NECAB1: variants seen among roughly 807,000 people sequenced by gnomAD.
The protein encoded by NECAB1 is N-terminal EF-hand calcium binding protein 1.
Under a neutral mutation model 57.5 loss-of-function variants are expected in NECAB1, and 29 were observed. The ratio of observed to expected loss-of-function variants is 0.50; its 90% CI spans 0.38 to 0.69. The LOEUF (loss-of-function observed/expected upper bound fraction) is 0.69. Among genes scored for constraint, NECAB1 ranks in the 30% least tolerant of loss-of-function variants. The pLI, the probability that NECAB1 is intolerant of heterozygous loss-of-function variation, is 0.00. For synonymous variants in NECAB1, 142 were observed against 147.7 expected, an observed-to-expected ratio of 0.96 and a Z score of 0.28; for missense variants, 372 against 413.8, an observed-to-expected ratio of 0.90 and a Z score of 0.88.
intron 1 of NECAB1, among the ~76,000 whole-genome samples, chr8:90,800,505 T>C (rs1305620627): frequency 6.6e-6 from 1 of 152,194 alleles, no homozygotes; most frequent in African/African-American, 2.4e-5. Context: ...CTTCAATGCC[T>C]AGTTTGTTCA....
chr8:90,838,571 G>C (rs928956916), intron 3 of NECAB1, among the ~76,000 whole-genome samples: 4 of 152,182 alleles, frequency 2.6e-5, no homozygotes, highest in African/African-American at 9.6e-5. Flanking sequence ...CAGTCACTCA[G>C]CCTGGAACCA....
At chr8:90,902,337 T>C (rs1180330653) in intron 5 of NECAB1, among the ~76,000 whole-genome samples, 3 of 152,124 alleles carry the variant, frequency 2.0e-5, no homozygotes, top group African/African-American at 7.2e-5. Flanking sequence ...GGAGAATCGC[T>C]TGAACCCAGG....
chr8:90,793,692 G>A (rs918082219), intron 1 of NECAB1, among the ~76,000 whole-genome samples: 3 of 152,188 alleles, frequency 2.0e-5, no homozygotes, highest in Admixed American at 1.3e-4. Context: ...AAGGGGACAA[G>A]TGGGGCCTCC....
intron 8 of NECAB1, among the ~76,000 whole-genome samples, chr8:90,931,118 T>C (rs1268403407): frequency 6.6e-6 from 1 of 152,126 alleles, no homozygotes; most frequent in Non-Finnish European, 1.5e-5. Context: ...TTGAGGACAG[T>C]GTATAAGAGG....
In NECAB1 at chr8:90,836,355, T is replaced by C. The variant is rs952104945; in HGVS notation, c.233+11530T>C. ...TAGCAAAAGCTTTTAGCAGTTAAAA[T>C]ATAAGAAGAAGAAAACTGGGCATGA... On this transcript the variant is annotated intron_variant, in intron 3 of 12. Transcript: ENST00000417640. Among the ~76,000 whole-genome samples, 4 of 152,142 alleles carry C rather than the reference T, an allele frequency of 2.6e-5. No individual in the cohort carries two copies. In the South Asian group the frequency reaches 8.3e-4, roughly 31 times the overall value.
chr8:90,898,586 T>C (rs1682403190), intron 5 of NECAB1, among the ~76,000 whole-genome samples: 1 of 152,182 alleles, frequency 6.6e-6, no homozygotes, highest in South Asian at 2.1e-4. Flanking sequence ...CCAATACCCC[T>C]GTCTTCTTCT....
At chr8:90,946,995 A>C (rs1438943616) in intron 10 of NECAB1, among the ~76,000 whole-genome samples, 1 of 152,216 alleles carries the variant, frequency 6.6e-6, no homozygotes, top group South Asian at 2.1e-4. Flanking sequence ...CATGACCCCC[A>C]AAGTACCTGT....
intron 5 of NECAB1, among the ~76,000 whole-genome samples, chr8:90,897,110 G>C (rs1333465081): frequency 6.6e-6 from 1 of 152,070 alleles, no homozygotes; most frequent in African/African-American, 2.4e-5. Context: ...TTAGCAGGTA[G>C]AAAGCAGCAA....
At chr8:90,891,528 A>G (rs970753105) in intron 5 of NECAB1, among the ~76,000 whole-genome samples, 4 of 152,032 alleles carry the variant, frequency 2.6e-5, no homozygotes, top group Non-Finnish European at 4.4e-5. Flanking sequence ...AATATTACCT[A>G]TTCCCATATA....
intron 8 of NECAB1, among the ~76,000 whole-genome samples, chr8:90,929,846 G>A (rs1810364723): frequency 6.6e-6 from 1 of 152,200 alleles, no homozygotes; most frequent in African/African-American, 2.4e-5. Context: ...TGAGCAAGGT[G>A]ATGGCATCTG....
At chr8:90,862,895 C>T (rs746855954) in intron 3 of NECAB1, among the ~76,000 whole-genome samples, 8 of 150,568 alleles carry the variant, frequency 5.3e-5, no homozygotes, top group Non-Finnish European at 7.4e-5. Flanking sequence ...AAATAGATCC[C>T]AAGTGTTTTG....
chr8:90,831,053 A>G (rs112262545), intron 3 of NECAB1, among the ~76,000 whole-genome samples: 2 of 152,038 alleles, frequency 1.3e-5, no homozygotes, highest in African/African-American at 4.8e-5. Flanking sequence ...TTGCTGAAAA[A>G]TCTGTCTCCC....
At chr8:90,868,234 A>C (rs1808556503) in intron 3 of NECAB1, among the ~76,000 whole-genome samples, 2 of 152,244 alleles carry the variant, frequency 1.3e-5, no homozygotes, top group African/African-American at 4.8e-5. Flanking sequence ...TAAATTATGC[A>C]GTCTCAGGTA....
At chr8:90,792,371 C>G (rs755692855) in intron 1 of NECAB1, among the ~76,000 whole-genome samples, 17 of 152,326 alleles carry the variant, frequency 1.1e-4, no homozygotes, top group Non-Finnish European at 1.9e-4. Context: ...AGCCTTCACA[C>G]TCGTGGATGC....
chr8:90,959,044 G>T lies in NECAB1; in HGVS notation c.*3532G>T. 8.0e-7 allele frequency: 1 copy of T among 1,244,726 alleles called. No individual in the cohort carries two copies. The highest frequency in any genetic ancestry group is 2.6e-5 in the East Asian group (1 of 37,930). 77.1% of individuals were successfully genotyped at this position (1,244,726 alleles called of 1,614,324 possible). ...TTGGTTGTTTTCCTGTAATATAAAA[G>T]AAAAAGTTAATTTATCAATTGATTG... On this transcript the variant is annotated 3_prime_UTR_variant, in exon 13 of 13. Coordinates refer to ENST00000417640, the MANE Select transcript of NECAB1 (RefSeq NM_022351.5).
intron 10 of NECAB1, 78 bp from the exon 11 acceptor site, chr8:90,949,729 C>G: frequency 1.4e-6 from 1 of 726,040 alleles, no homozygotes; most frequent in Non-Finnish European, 2.3e-6. Context: ...TTGTTTCATA[C>G]TACATATGGA....
chr8:90,951,170 A>T lies in NECAB1; in HGVS notation c.996A>T (p.Glu332Asp). 6.2e-7 allele frequency: 1 copy of T among 1,603,128 alleles called. No individual in the cohort carries two copies. The highest frequency in any genetic ancestry group is 8.5e-7 in the Non-Finnish European group (1 of 1,173,910). ...TFQRSNVDFL[E>D]TPELTSTMLV... ...AAAGAAGTAATGTGGATTTCTTGGA[A>T]ACTCCAGAACTCACATCTACAATGC... The change falls in exon 12 of 13, where the codon GAA becomes GAT. Residue 332 changes from glutamate to aspartate, a missense_variant. By Grantham distance (45) the Glu-to-Asp change is conservative. Transcript: ENST00000417640.
At chr8:90,881,574 T>C (rs1354517) in intron 5 of NECAB1, among the ~76,000 whole-genome samples, 74,524 of 151,918 alleles carry the variant, frequency 0.49, 23,095 homozygotes, top group African/African-American at 0.85. Context: ...TGTATGGCGC[T>C]TCCTCCGCCC....
chr8:90,948,621 A>G (rs973989538), intron 10 of NECAB1, among the ~76,000 whole-genome samples: 2 of 152,198 alleles, frequency 1.3e-5, no homozygotes, highest in African/African-American at 4.8e-5. Flanking sequence ...TAATATGAAT[A>G]TATTATGAAC....
Sources: allele counts gnomAD v4.1 joint callset (sites outside exome capture counted in the v4.1 genomes callset), GRCh38; gene constraint gnomAD v4.1.1; transcripts MANE v1.5; gene names NCBI Gene and HGNC (gene_info 2026-07-23, HGNC 2026-07-21).